Variants in RNF38 observed in about 807,000 individuals in gnomAD.
RNF38 encodes E3 ubiquitin-protein ligase RNF38.
Under a neutral mutation model 67.2 loss-of-function variants are expected in RNF38, and 15 were observed. The observed-to-expected ratio is 0.22, with a 90% confidence interval of 0.15 to 0.34. The LOEUF is 0.34. Among genes scored for constraint, RNF38 ranks in the 10% least tolerant of loss-of-function variants. RNF38 has a pLI of 1.00. For missense variants in RNF38, 524 were observed against 639.9 expected (o/e 0.82, Z 1.95); for synonymous variants, 220 against 218.8 (o/e 1.01, Z -0.05).
intron 1 of RNF38, among the ~76,000 whole-genome samples, chr9:36,399,100 C>T (rs756681226): frequency 1.9e-4 from 29 of 152,206 alleles, no homozygotes; most frequent in Non-Finnish European, 3.7e-4. Context: ...ATCTTGTTTA[C>T]TCTTCATCAA....
upstream of RNF38, chr9:36,401,103 G>A: frequency 3.0e-6 from 3 of 984,854 alleles, no homozygotes; most frequent in African/African-American, 1.7e-5. Flanking sequence ...CAAACCTAGC[G>A]AGCCCAGCGC....
At chr9:36,363,430 C>T (rs769645803) in intron 4 of RNF38, among the ~76,000 whole-genome samples, 1 of 100,298 alleles carries the variant, frequency 1.0e-5, no homozygotes. Context: ...GATCATGCTA[C>T]TTTTTACTTC....
intron 2 of RNF38, among the ~76,000 whole-genome samples, chr9:36,423,053 A>T (rs1838670588): frequency 6.6e-6 from 1 of 152,198 alleles, no homozygotes; most frequent in Non-Finnish European, 1.5e-5. Context: ...TATGAAGCAC[A>T]ATCACTTGTA....
At chr9:36,470,696 T>C (rs1839976238) in intron 1 of RNF38, among the ~76,000 whole-genome samples, 1 of 152,118 alleles carries the variant, frequency 6.6e-6, no homozygotes, top group Non-Finnish European at 1.5e-5. Flanking sequence ...TCTGTCACCT[T>C]AAAACAAACC....
chr9:36,453,933 A>G (rs1439349988), intron 1 of RNF38, among the ~76,000 whole-genome samples: 2 of 152,212 alleles, frequency 1.3e-5, no homozygotes, highest in Non-Finnish European at 1.5e-5. Context: ...ATCATTCAAA[A>G]TAACACAAAG....
upstream of RNF38, among the ~76,000 whole-genome samples, chr9:36,406,160 G>C (rs890307381): frequency 1.3e-5 from 2 of 152,192 alleles, no homozygotes; most frequent in African/African-American, 4.8e-5. Flanking sequence ...ATGTTGGGGG[G>C]AAGAATGGAT....
intron 1 of RNF38, among the ~76,000 whole-genome samples, chr9:36,456,982 G>A (rs1839609715): frequency 6.6e-6 from 1 of 152,080 alleles, no homozygotes; most frequent in Admixed American, 6.6e-5. Flanking sequence ...GAAAAGAACT[G>A]CTGGTTTCTA....
At chr9:36,385,908 C>T (rs1291680500) in intron 2 of RNF38, among the ~76,000 whole-genome samples, 2 of 152,202 alleles carry the variant, frequency 1.3e-5, no homozygotes, top group Non-Finnish European at 1.5e-5. Flanking sequence ...CTCTCGCTGA[C>T]CGACTACCAC....
chr9:36,346,853 C>G (rs1054853610), intron 9 of RNF38, among the ~76,000 whole-genome samples: 2 of 152,066 alleles, frequency 1.3e-5, no homozygotes, highest in Admixed American at 6.6e-5. Flanking sequence ...CATGGTGGCT[C>G]AAGCCTGTAA....
chr9:36,416,738 C>CGA, intron 2 of RNF38, among the ~76,000 whole-genome samples: 2 of 118,700 alleles, frequency 1.7e-5, no homozygotes, highest in Non-Finnish European at 3.4e-5. Context: ...GCTGCTGCCT[C>CGA]GATATTTTTT....
At position 36,337,073 on chromosome 9, in the gene RNF38, ATAT is replaced by A. The variant is rs748082883; in HGVS notation, c.*2676_*2678del. On this transcript the variant is annotated 3_prime_UTR_variant, in exon 12 of 12. Transcript: ENST00000259605. Reference sequence around the variant, plus strand: ...CAGCTGAGTTAAGATGGTAAAGCCAATATTATTTTAGGAGGAAAGAGGACGAAG... The same window carrying A: ...CAGCTGAGTTAAGATGGTAAAGCCAATATTTTAGGAGGAAAGAGGACGAAG... 9 of 152,352 alleles carry A rather than the reference ATAT, an allele frequency of 5.9e-5. No individual in the cohort carries two copies. The highest frequency in any genetic ancestry group is 3.9e-4 in the East Asian group (2 of 5,192). 9.4% of individuals were successfully genotyped at this position (152,352 alleles called of 1,614,324 possible). A position where few individuals can be genotyped will look rare whatever the true frequency, so the allele number is the denominator to read the frequency against.
intron 2 of RNF38, among the ~76,000 whole-genome samples, chr9:36,386,146 G>A (rs1465000179): frequency 2.0e-5 from 3 of 152,072 alleles, no homozygotes; most frequent in East Asian, 1.9e-4. Flanking sequence ...TAAAATTCAC[G>A]GTCTGAAACC....
chr9:36,468,118 G>A (rs761429545), intron 1 of RNF38, among the ~76,000 whole-genome samples: 6 of 152,000 alleles, frequency 3.9e-5, no homozygotes, highest in Non-Finnish European at 5.9e-5. Flanking sequence ...GGTGGCGCAC[G>A]CCTGTTGTCC....
Position 36,341,577 on chromosome 9 carries a change from CT to C in RNF38, c.1485+747del, listed in dbSNP as rs530668336. On this transcript the variant is annotated intron_variant, in intron 11 of 11. Transcript: ENST00000259605. ...AGAGTAAAAAAGCAGCTTTTGTAAA[CT>C]TTTTTTTTTAAACATTAAATAGCCA... 7.9e-4 allele frequency among the ~76,000 whole-genome samples: 118 copies of C among 149,362 alleles called. 2 individuals are homozygous for C. In the South Asian group the frequency reaches 0.022, roughly 28 times the overall value.
intron 1 of RNF38, among the ~76,000 whole-genome samples, chr9:36,468,550 G>C (rs1839919729): frequency 6.6e-6 from 1 of 152,158 alleles, no homozygotes; most frequent in African/African-American, 2.4e-5. Context: ...GGTGGCTCAC[G>C]CCTATAATCT....
chr9:36,353,859 G>A (rs76012614), intron 6 of RNF38, among the ~76,000 whole-genome samples: 1 of 152,046 alleles, frequency 6.6e-6, no homozygotes, highest in Admixed American at 6.6e-5. Context: ...TTAACTTTCA[G>A]ATAAATTACT....
chr9:36,465,432 C>T (rs1302693942), intron 1 of RNF38, among the ~76,000 whole-genome samples: 2 of 152,164 alleles, frequency 1.3e-5, no homozygotes, highest in Non-Finnish European at 1.5e-5. Flanking sequence ...CTGCAACTTC[C>T]ACTACCCAGG....
At chr9:36,449,631 T>C (rs1839389817) in intron 1 of RNF38, among the ~76,000 whole-genome samples, 1 of 152,108 alleles carries the variant, frequency 6.6e-6, no homozygotes, top group East Asian at 1.9e-4. Context: ...GAGACGGGGT[T>C]TCACCGTGTT....
intron 3 of RNF38, among the ~76,000 whole-genome samples, chr9:36,372,195 C>A (rs571917359): frequency 2.0e-5 from 3 of 152,300 alleles, no homozygotes; most frequent in African/African-American, 7.2e-5. Flanking sequence ...TCCCAAAGTG[C>A]TGGGATTACA....
Sources: allele counts gnomAD v4.1 joint callset (sites outside exome capture counted in the v4.1 genomes callset), GRCh38; gene constraint gnomAD v4.1.1; transcripts MANE v1.5; gene names NCBI Gene and HGNC (gene_info 2026-07-23, HGNC 2026-07-21).